The following NAA15 variants were observed in gnomAD, a reference collection of about 807,000 sequenced individuals.
NAA15 encodes the protein N-terminal acetyltransferase.
Under a neutral mutation model 114.0 loss-of-function variants are expected in NAA15, and 34 were observed. That is an observed-to-expected ratio of 0.30 (90% CI 0.23 to 0.40). The LOEUF is 0.40. NAA15 is among the 10% of genes least tolerant of loss of function. The probability of loss-of-function intolerance (pLI) is 1.00; values close to 1 mark genes in which losing one functional copy is unlikely to be tolerated. For synonymous variants in NAA15, 340 were observed against 338.0 expected (o/e 1.01, Z -0.06); for missense variants, 658 against 1,004.5 (o/e 0.66, Z 4.66).
chr4:139,326,193 G>A (rs1746794715), intron 1 of NAA15, among the ~76,000 whole-genome samples: 1 of 152,092 alleles, frequency 6.6e-6, no homozygotes, highest in African/African-American at 2.4e-5. Flanking sequence ...AGTTACAATG[G>A]TTAGGTGTTA....
rs188714024 is a variant in NAA15 at position 139,327,836 on chromosome 4, T to G, written c.55-6338T>G. ...ATGCACCACCACACCCCGCTAATTT[T>G]GTATTTTTAGTAGAGACAGGGTTTT... On this transcript the variant is annotated intron_variant, in intron 1 of 19. Transcript: ENST00000296543. Among the ~76,000 whole-genome samples, 3 of 151,942 alleles carry G rather than the reference T, an allele frequency of 2.0e-5. No individual in the cohort carries two copies. In the East Asian group the frequency reaches 5.9e-4, roughly 30 times the overall value.
chr4:139,314,321 T>C (rs1048023191), intron 1 of NAA15, among the ~76,000 whole-genome samples: 11 of 151,868 alleles, frequency 7.2e-5, no homozygotes, highest in Non-Finnish European at 1.5e-4. Context: ...CTATGAGACT[T>C]GTTTTGGCTA....
intron 3 of NAA15, among the ~76,000 whole-genome samples, chr4:139,338,839 T>C (rs1369182731): frequency 3.3e-5 from 5 of 151,798 alleles, no homozygotes; most frequent in African/African-American, 1.2e-4. Flanking sequence ...GAGATGGAGT[T>C]TCACTCTGTC....
At chr4:139,334,084 T>C in intron 1 of NAA15, 90 bp from the exon 2 acceptor site, 1 of 761,770 alleles carries the variant, frequency 1.3e-6, no homozygotes, top group Non-Finnish European at 2.2e-6. Flanking sequence ...AGCATTCTGT[T>C]GTATTTAACA....
chr4:139,386,074 G>A, intron 18 of NAA15, 59 bp from the exon 19 acceptor site: 1 of 846,094 alleles, frequency 1.2e-6, no homozygotes, highest in Non-Finnish European at 1.9e-6. Context: ...ATTTAAATAA[G>A]TAGAGGATAA....
chr4:139,376,658 G>A (rs187188381), intron 16 of NAA15, among the ~76,000 whole-genome samples, 185 bp downstream of exon 16: 23 of 152,248 alleles, frequency 1.5e-4, no homozygotes, highest in South Asian at 1.0e-3. Flanking sequence ...ACTTCTTTTA[G>A]GATATTAGAA....
intron 9 of NAA15, among the ~76,000 whole-genome samples, 160 bp downstream of exon 9, chr4:139,351,771 AT>A (rs1469300154): frequency 4.0e-5 from 6 of 151,076 alleles, no homozygotes; most frequent in Non-Finnish European, 8.9e-5. Flanking sequence ...TCTTTTTTCC[AT>A]TTCATCCTCT....
intron 1 of NAA15, chr4:139,302,352 C>CAATG (rs1745820187): frequency 6.5e-6 from 1 of 154,266 alleles, no homozygotes; most frequent in African/African-American, 2.4e-5. Flanking sequence ...CGGGGTCACC[C>CAATG]AATGACCTGA....
chr4:139,313,252 C>T (rs1402267408), intron 1 of NAA15, among the ~76,000 whole-genome samples: 2 of 151,748 alleles, frequency 1.3e-5, no homozygotes, highest in East Asian at 3.9e-4. Context: ...CTTTTTTTTC[C>T]TCTCACAATA....
chr4:139,335,457 C>T (rs904848620), intron 2 of NAA15, among the ~76,000 whole-genome samples: 1 of 152,028 alleles, frequency 6.6e-6, no homozygotes, highest in Admixed American at 6.5e-5. Context: ...CTTCCACCTC[C>T]TGGGTTCAAG....
At chr4:139,349,433 A>C (rs778900351) in intron 6 of NAA15, 29 bp from the exon 7 acceptor site, 3 of 1,498,544 alleles carry the variant, frequency 2.0e-6, no homozygotes, top group Non-Finnish European at 2.7e-6. Context: ...TCAGATATTA[A>C]AATTTTTTTT....
At chr4:139,371,735 G>T (rs1203714750) in intron 15 of NAA15, among the ~76,000 whole-genome samples, 1 of 152,046 alleles carries the variant, frequency 6.6e-6, no homozygotes, top group Non-Finnish European at 1.5e-5. Context: ...TCAGGGCATA[G>T]AACTTAAACT....
intron 6 of NAA15, among the ~76,000 whole-genome samples, chr4:139,349,148 T>A (rs1461707077): frequency 6.6e-6 from 1 of 152,170 alleles, no homozygotes; most frequent in East Asian, 1.9e-4. Context: ...ATATCAGGAA[T>A]AATTGAGGAG....
chr4:139,323,069 T>G (rs558227234), intron 1 of NAA15, among the ~76,000 whole-genome samples: 1 of 147,656 alleles, frequency 6.8e-6, no homozygotes, highest in South Asian at 2.1e-4. Context: ...TTTTTTTTTT[T>G]TTTTGAGATA....
intron 1 of NAA15, among the ~76,000 whole-genome samples, chr4:139,313,663 G>C (rs1277575588): frequency 6.6e-6 from 1 of 151,354 alleles, no homozygotes; most frequent in South Asian, 2.1e-4. Flanking sequence ...TCCTGCCTCA[G>C]CCTCCCGAGT....
intron 1 of NAA15, among the ~76,000 whole-genome samples, chr4:139,328,865 C>G (rs1390123554): frequency 6.6e-6 from 1 of 150,822 alleles, no homozygotes; most frequent in African/African-American, 2.4e-5. Context: ...TGTGCCCGGC[C>G]TTCTTTTTTT....
chr4:139,335,206 C>G (rs954787248), intron 2 of NAA15, among the ~76,000 whole-genome samples: 2 of 151,954 alleles, frequency 1.3e-5, no homozygotes, highest in South Asian at 2.1e-4. Context: ...ATAAATTTAT[C>G]TCTCTTTTTC....
chr4:139,385,092 C>T, intron 18 of NAA15, 114 bp downstream of exon 18: 4 of 888,708 alleles, frequency 4.5e-6, no homozygotes, highest in Non-Finnish European at 6.2e-6. Flanking sequence ...GTATATGTTA[C>T]ATTGTGATCG....
chr4:139,342,787 A>G, intron 4 of NAA15, 39 bp from the exon 5 acceptor site: 2 of 1,593,028 alleles, frequency 1.3e-6, no homozygotes, highest in South Asian at 1.1e-5. Context: ...GCTGTTACTA[A>G]AAGCCTAAGA....
Sources: allele counts gnomAD v4.1 joint callset (sites outside exome capture counted in the v4.1 genomes callset), GRCh38; gene constraint gnomAD v4.1.1; transcripts MANE v1.5; gene names NCBI Gene and HGNC (gene_info 2026-07-23, HGNC 2026-07-21).